The following TCF7L2 variants were observed in gnomAD, a reference collection of about 807,000 sequenced individuals.
TCF7L2 encodes the protein transcription factor 7 like 2, also known as transcription factor 7-like 2.
Under a neutral mutation model 77.9 loss-of-function variants are expected in TCF7L2, and 23 were observed. The ratio of observed to expected loss-of-function variants is 0.30; its 90% CI spans 0.21 to 0.42. The LOEUF (loss-of-function observed/expected upper bound fraction) is 0.42. Ranked by LOEUF, TCF7L2 falls within the 10% of genes least tolerant of loss-of-function variation. TCF7L2 has a pLI of 1.00. For synonymous variants in TCF7L2, 413 were observed against 340.2 expected (o/e 1.21, Z -2.36); for missense variants, 654 against 793.1 (o/e 0.82, Z 2.11).
intron 5 of TCF7L2, among the ~76,000 whole-genome samples, chr10:113,098,323 T>C (rs1383619897): frequency 6.6e-6 from 1 of 151,606 alleles, no homozygotes; most frequent in Non-Finnish European, 1.5e-5. Context: ...CTTGCAGCTG[T>C]TTTTCAAATC....
At chr10:113,146,238 T>A (rs2069367720) in intron 8 of TCF7L2, 141 bp downstream of exon 8, 6 of 715,276 alleles carry the variant, frequency 8.4e-6, no homozygotes. Context: ...TAGGCTGTAC[T>A]CCCAGAAAAT....
intron 5 of TCF7L2, among the ~76,000 whole-genome samples, chr10:113,063,991 G>A (rs2056895964): frequency 6.6e-6 from 1 of 151,956 alleles, no homozygotes; most frequent in South Asian, 2.1e-4. Context: ...AAGGCAGTGA[G>A]GTTCCTGAAA....
rs1439965136 is a variant in TCF7L2 at position 112,992,768 on chromosome 10, C to CT, written c.450+28157dup. Among the ~76,000 whole-genome samples the CT allele has an allele frequency of 8.7e-3, 1,257 of 145,164 alleles. 9 individuals are homozygous for CT. Among genetic ancestry groups the CT allele is most frequent in the African/African-American group, 0.019 (751 of 39,852 alleles). ...GTGTTACTCTCTTATATTTTTCTTT[C>CT]TTTTTTTTTTTTTGAGACGGAGTCT... On this transcript the variant is annotated intron_variant, in intron 4 of 13. Coordinates refer to ENST00000627217, the MANE Select transcript of TCF7L2 (RefSeq NM_001146274.2).
Position 113,165,609 on chromosome 10 carries a change from A to G in TCF7L2, c.1446A>G (p.Pro482=). 3 of 1,613,404 alleles carry G rather than the reference A, an allele frequency of 1.9e-6. No homozygotes were observed. Among genetic ancestry groups the G allele is most frequent in the Non-Finnish European group, 1.7e-6 (2 of 1,179,792 alleles). ...AAGGTGAAGGCAGCTGCCTCAGCCC[A>G]CCCTCTTCAGATGGAAGCTTACTAG... Residue 482 remains proline, a synonymous_variant, in exon 14 of 14, where the codon CCA becomes CCG. Transcript: ENST00000627217.
chr10:112,996,274 G>A (rs1426368797), intron 4 of TCF7L2, among the ~76,000 whole-genome samples: 2 of 152,264 alleles, frequency 1.3e-5, no homozygotes, highest in East Asian at 1.9e-4. Context: ...TATGGCGACC[G>A]AAGTGATATG....
At chr10:113,152,215 C>A in intron 10 of TCF7L2, 118 bp from the exon 11 acceptor site, 1 of 946,258 alleles carries the variant, frequency 1.1e-6, no homozygotes, top group Non-Finnish European at 1.7e-6. Context: ...CATTTCTGGA[C>A]GGACTCACCC....
intron 4 of TCF7L2, among the ~76,000 whole-genome samples, chr10:112,967,636 T>G (rs1254587717): frequency 8.4e-5 from 5 of 59,226 alleles, no homozygotes; most frequent in African/African-American, 2.7e-4. Flanking sequence ...AAATTAAAAG[T>G]TTTTTTTTTT....
intron 4 of TCF7L2, among the ~76,000 whole-genome samples, chr10:112,998,684 C>G (rs561265455): frequency 5.3e-4 from 80 of 152,276 alleles, no homozygotes; most frequent in African/African-American, 1.9e-3. Flanking sequence ...TGTCAGATAA[C>G]TAGGAAAAGG....
intron 4 of TCF7L2, among the ~76,000 whole-genome samples, chr10:113,018,325 C>T (rs143948665): frequency 4.0e-5 from 6 of 151,852 alleles, no homozygotes; most frequent in South Asian, 2.1e-4. Flanking sequence ...CTTTGGGCTC[C>T]GAGAATGCTG....
chr10:113,053,989 C>CACAT (rs143446040), intron 5 of TCF7L2, among the ~76,000 whole-genome samples: 2,458 of 152,282 alleles, frequency 0.016, 71 homozygotes, highest in African/African-American at 0.055. Flanking sequence ...TAATCAGGCA[C>CACAT]ACATACAGGC....
At chr10:113,078,354 A>G (rs1191057394) in intron 5 of TCF7L2, among the ~76,000 whole-genome samples, 2 of 152,260 alleles carry the variant, frequency 1.3e-5, no homozygotes, top group Middle Eastern at 3.4e-3. Flanking sequence ...CTGAGACACT[A>G]AAGACTTTTT....
intron 3 of TCF7L2, among the ~76,000 whole-genome samples, chr10:112,952,971 G>A (rs1390427494): frequency 6.6e-6 from 1 of 151,914 alleles, no homozygotes; most frequent in Admixed American, 6.6e-5. Flanking sequence ...ACCTTCTCCA[G>A]TTTGGTCCCC....
rs1331321988 is a variant in TCF7L2 at position 112,950,941 on chromosome 10, C to T, written c.185C>T (p.Ser62Phe). The change falls in exon 1 of 14, where the codon TCC becomes TTC. Residue 62 changes from serine (S) to phenylalanine (F), a missense_variant. This residue lies in a region of TCF7L2 where 132 missense variants were observed against 123.7 expected (regional missense o/e 1.07). Coordinates refer to ENST00000627217, the MANE Select transcript of TCF7L2 (RefSeq NM_001146274.2). ...ACGAATCAAAACAGCTCCTCCGATT[C>T]CGAGGTAGGAAAAGCCCCTCGGGCT... The T allele has an allele frequency of 1.2e-6, 2 of 1,609,112 alleles. No homozygotes were observed. The highest frequency in any genetic ancestry group is 1.7e-6 in the Non-Finnish European group (2 of 1,178,480).
chr10:112,955,315 A>ATT (rs1198910418), intron 3 of TCF7L2, among the ~76,000 whole-genome samples: 1 of 152,204 alleles, frequency 6.6e-6, no homozygotes, highest in African/African-American at 2.4e-5. Context: ...ATTTATGGCG[A>ATT]ACATGTTTAG....
chr10:113,045,686 G>T (rs1354115747), intron 5 of TCF7L2, among the ~76,000 whole-genome samples: 1 of 152,156 alleles, frequency 6.6e-6, no homozygotes, highest in East Asian at 1.9e-4. Context: ...CAGGACATTT[G>T]GGGGATATGG....
At chr10:112,983,551 C>T (rs975496435) in intron 4 of TCF7L2, among the ~76,000 whole-genome samples, 5 of 152,158 alleles carry the variant, frequency 3.3e-5, no homozygotes, top group Non-Finnish European at 5.9e-5. Flanking sequence ...CTGCATCCTG[C>T]CTTGCGAACC....
At chr10:113,109,472 A>G (rs1197112756) in intron 5 of TCF7L2, among the ~76,000 whole-genome samples, 3 of 151,956 alleles carry the variant, frequency 2.0e-5, no homozygotes, top group African/African-American at 7.3e-5. Flanking sequence ...GCTCACAGCA[A>G]CCTCCCCTCC....
In TCF7L2 at chr10:112,967,635, G is replaced by GTT. The variant is rs111510229; in HGVS notation, c.450+3026_450+3027dup. On this transcript the variant is annotated intron_variant, in intron 4 of 13. Transcript: ENST00000627217. ...AATGAAACTAGAAAGAAAATTAAAA[G>GTT]TTTTTTTTTTTTTTTTGAGACGGAG... 5.1e-3 allele frequency among the ~76,000 whole-genome samples: 723 copies of GTT among 141,672 alleles called. 14 individuals are homozygous for GTT. The highest frequency in any genetic ancestry group is 0.015 in the African/African-American group (568 of 38,218). The allele number at this position is 141,672 out of a possible 152,430, so 92.9% of individuals were successfully genotyped here.
At chr10:113,070,528 G>C (rs73360232) in intron 5 of TCF7L2, among the ~76,000 whole-genome samples, 4 of 152,020 alleles carry the variant, frequency 2.6e-5, no homozygotes, top group South Asian at 4.2e-4. Flanking sequence ...AGAGCCCTGC[G>C]GGAATCATCA....
Sources: allele counts gnomAD v4.1 joint callset (sites outside exome capture counted in the v4.1 genomes callset), GRCh38; gene constraint gnomAD v4.1.1; regional missense constraint gnomAD v4.1.1; transcripts MANE v1.5; gene names NCBI Gene and HGNC (gene_info 2026-07-23, HGNC 2026-07-21).